The following EXTL3 variants were observed in gnomAD, a reference collection of about 807,000 sequenced individuals.
The protein encoded by EXTL3 is exostosin-like 3.
EXTL3 carries 27 observed loss-of-function variants against 69.3 expected under a neutral mutation model. That is an observed-to-expected ratio of 0.39 (90% CI 0.29 to 0.54). EXTL3 has a LOEUF of 0.54. EXTL3 is among the 20% of genes least tolerant of loss of function. The probability of loss-of-function intolerance (pLI) is 0.69; values close to 1 mark genes in which losing one functional copy is unlikely to be tolerated. For missense variants in EXTL3, 1,003 were observed against 1,231.8 expected, an observed-to-expected ratio of 0.81 and a Z score of 2.78; for synonymous variants, 511 against 499.4, an observed-to-expected ratio of 1.02 and a Z score of -0.31.
chr8:28,644,654 G>A lies in EXTL3; in HGVS notation c.-53+21844G>A, dbSNP rs371806249. Among the ~76,000 whole-genome samples, 90 of 152,212 alleles carry A rather than the reference G, an allele frequency of 5.9e-4. 1 individual carries two copies. Among genetic ancestry groups the A allele is most frequent in the African/African-American group, 2.0e-3 (84 of 41,542 alleles). ...TGCAAGGCTGCAGTGAGCTATGATG[G>A]ACAGAGCAAGACCCTGTCTCTAAAA... On this transcript the variant is annotated intron_variant, in intron 1 of 6. Coordinates refer to the EXTL3 transcript ENST00000523149.
chr8:28,626,831 G>A (rs569420846), intron 1 of EXTL3, among the ~76,000 whole-genome samples: 2 of 152,300 alleles, frequency 1.3e-5, no homozygotes, highest in South Asian at 4.1e-4. Flanking sequence ...CACCTCAGGC[G>A]TCAGCATGGG....
chr8:28,731,180 T>C, intron 3 of EXTL3, 43 bp from the exon 4 acceptor site: 1 of 1,613,922 alleles, frequency 6.2e-7, no homozygotes, highest in African/African-American at 1.3e-5. Context: ...TGGCCTTTCA[T>C]AACACAGCCT....
intron 1 of EXTL3, among the ~76,000 whole-genome samples, chr8:28,689,639 G>A (rs1472249201): frequency 6.6e-6 from 1 of 152,164 alleles, no homozygotes; most frequent in Non-Finnish European, 1.5e-5. Flanking sequence ...ATTTCAAAGA[G>A]TTCATATCTG....
intron 1 of EXTL3, 55 bp downstream of exon 1, chr8:28,701,714 C>G: frequency 6.5e-6 from 1 of 153,716 alleles, no homozygotes; most frequent in Non-Finnish European, 1.5e-5. Context: ...CCCGGAAGGG[C>G]TCATGGGAGG....
chr8:28,737,418 C>T, intron 4 of EXTL3, 101 bp from the exon 5 acceptor site: 2 of 1,313,314 alleles, frequency 1.5e-6, no homozygotes, highest in Non-Finnish European at 2.2e-6. Context: ...AAGTAAAAGC[C>T]TAAGGGCCAG....
rs74556584 is a variant in EXTL3 at position 28,667,272 on chromosome 8, A to G, written c.-53+44462A>G. 2.6e-5 allele frequency among the ~76,000 whole-genome samples: 4 copies of G among 152,328 alleles called. No individual in the cohort carries two copies. In the East Asian group the frequency reaches 7.7e-4, roughly 29 times the overall value. On this transcript the variant is annotated intron_variant, in intron 1 of 6. Coordinates refer to the EXTL3 transcript ENST00000523149. Reference sequence around the variant, plus strand: ...AAGGTGCAGGGGCCAGTGGATGGAAAAGTAATGCAAGGAACTTGGTAAAGT... The same window carrying G: ...AAGGTGCAGGGGCCAGTGGATGGAAGAGTAATGCAAGGAACTTGGTAAAGT...
At chr8:28,638,885 C>T (rs1025496740) in intron 1 of EXTL3, among the ~76,000 whole-genome samples, 5 of 151,866 alleles carry the variant, frequency 3.3e-5, no homozygotes, top group Admixed American at 2.0e-4. Flanking sequence ...CCCACCTCAA[C>T]GTCCCAAAAT....
intron 1 of EXTL3, chr8:28,710,613 CT>C (rs11446791): frequency 0.11 from 29,112 of 268,758 alleles, no homozygotes; most frequent in South Asian, 0.18. Context: ...TTCTTTCTTT[CT>C]TTTTTTTTTT....
chr8:28,735,031 T>C (rs929729398), intron 4 of EXTL3, among the ~76,000 whole-genome samples: 1 of 152,230 alleles, frequency 6.6e-6, no homozygotes, highest in Non-Finnish European at 1.5e-5. Flanking sequence ...TCTTGCTTAG[T>C]GTATTATTGA....
chr8:28,711,902 G>C (rs1171535890), intron 1 of EXTL3, among the ~76,000 whole-genome samples: 4 of 152,236 alleles, frequency 2.6e-5, no homozygotes, highest in African/African-American at 7.2e-5. Context: ...ATCAGTGATA[G>C]GATTCATTTA....
At chr8:28,723,339 A>G (rs909945675) in intron 3 of EXTL3, among the ~76,000 whole-genome samples, 1 of 152,164 alleles carries the variant, frequency 6.6e-6, no homozygotes, top group Non-Finnish European at 1.5e-5. Context: ...CTTGGTGGCT[A>G]TAGCTGTGGG....
intron 1 of EXTL3, among the ~76,000 whole-genome samples, chr8:28,677,903 G>A (rs1379541977): frequency 6.6e-6 from 1 of 152,212 alleles, no homozygotes; most frequent in African/African-American, 2.4e-5. Context: ...GATTCTGAGA[G>A]GTCCTTCATC....
At position 28,731,288 on chromosome 8, in the gene EXTL3, G is replaced by T; in HGVS notation, c.2214G>T (p.Glu738Asp). ...TACCCTGGAATGAAATTGAGACAGA[G>T]GCCATCCTGTCCATTGATGACGATG... ...RFLPWNEIET[E>D]AILSIDDDAH... Residue 738 changes from glutamate (E) to aspartate (D), a missense_variant, in exon 4 of 7, where the codon GAG becomes GAT. By Grantham distance (45) the Glu-to-Asp change is conservative (BLOSUM62 2). This residue lies in a region of EXTL3 where 261 missense variants were observed against 416.4 expected (regional missense o/e 0.63). Transcript: ENST00000220562. 8 of 1,614,178 alleles carry T rather than the reference G, an allele frequency of 5.0e-6. No homozygotes were observed. The highest frequency in any genetic ancestry group is 6.8e-6 in the Non-Finnish European group (8 of 1,180,008).
At chr8:28,663,084 T>G (rs188242423) in intron 1 of EXTL3, among the ~76,000 whole-genome samples, 92 of 152,330 alleles carry the variant, frequency 6.0e-4, no homozygotes, top group Non-Finnish European at 1.1e-3. Flanking sequence ...TAATGCTCTA[T>G]CCACATGCAA....
chr8:28,630,052 A>G (rs1282045697), intron 1 of EXTL3, among the ~76,000 whole-genome samples: 1 of 151,950 alleles, frequency 6.6e-6, no homozygotes, highest in African/African-American at 2.4e-5. Flanking sequence ...TTTCTTTTTT[A>G]ACTGATATGG....
At chr8:28,664,124 C>T (rs533048495) in intron 1 of EXTL3, among the ~76,000 whole-genome samples, 20 of 152,308 alleles carry the variant, frequency 1.3e-4, no homozygotes, top group Admixed American at 7.2e-4. Flanking sequence ...GAGAAAGACC[C>T]GGATTTGGCG....
intron 1 of EXTL3, among the ~76,000 whole-genome samples, chr8:28,644,350 T>C (rs553405163): frequency 2.6e-5 from 4 of 152,180 alleles, no homozygotes; most frequent in Non-Finnish European, 5.9e-5. Flanking sequence ...AACATTACTC[T>C]GGGTGTATGC....
downstream of EXTL3, among the ~76,000 whole-genome samples, chr8:28,756,438 T>G (rs59158717): frequency 0.02 from 2,970 of 152,302 alleles, 88 homozygotes; most frequent in African/African-American, 0.068. Flanking sequence ...GATTGGTGAT[T>G]AGTTACTTTT....
chr8:28,725,896 T>C (rs749715131), intron 3 of EXTL3, among the ~76,000 whole-genome samples: 2 of 151,960 alleles, frequency 1.3e-5, no homozygotes, highest in Non-Finnish European at 2.9e-5. Context: ...TTATGTTCGA[T>C]CTGTCTTTTC....
Sources: gnomAD v4.1 joint callset for allele counts (sites outside exome capture counted in the v4.1 genomes callset) on GRCh38, gnomAD v4.1.1 for gene constraint, gnomAD v4.1.1 regional missense constraint, MANE v1.5 for transcripts, NCBI Gene and HGNC (gene_info 2026-07-23, HGNC 2026-07-21) for gene names.